Variants in GLIPR1L2 observed in about 807,000 individuals in gnomAD.
The protein encoded by GLIPR1L2 is GLIPR1-like protein 2.
In GLIPR1L2, 21 loss-of-function variants were observed where a neutral mutation model predicts 28.4. The ratio of observed to expected loss-of-function variants is 0.74; its 90% CI spans 0.52 to 1.06. The LOEUF is 1.06. Ranked by LOEUF, GLIPR1L2 falls within the 50% of genes least tolerant of loss-of-function variation. GLIPR1L2 has a pLI of 0.00. For synonymous variants in GLIPR1L2, 145 were observed against 139.3 expected (o/e 1.04, Z -0.29); for missense variants, 476 against 416.9 (o/e 1.14, Z -1.23).
chr12:75,422,398 G>C (rs1399315333), intron 3 of GLIPR1L2, among the ~76,000 whole-genome samples: 1 of 150,522 alleles, frequency 6.6e-6, no homozygotes, highest in Non-Finnish European at 1.5e-5. Flanking sequence ...CGCCTCCTGG[G>C]TTCACGCCAT....
intron 1 of GLIPR1L2, among the ~76,000 whole-genome samples, chr12:75,409,008 A>G (rs11616068): frequency 0.18 from 26,620 of 152,038 alleles, 2,580 homozygotes; most frequent in Admixed American, 0.24. Context: ...ATTCACTAAG[A>G]AAACTCTAAG....
At chr12:75,397,166 CATTGCT>C (rs773248308) in intron 1 of GLIPR1L2, among the ~76,000 whole-genome samples, 3 of 152,060 alleles carry the variant, frequency 2.0e-5, no homozygotes, top group Non-Finnish European at 4.4e-5. Flanking sequence ...CCTTCAGAGT[CATTGCT>C]TTAGAACTGC....
At chr12:75,395,109 AT>A (rs1233160293) in intron 1 of GLIPR1L2, among the ~76,000 whole-genome samples, 1 of 151,616 alleles carries the variant, frequency 6.6e-6, no homozygotes, top group African/African-American at 2.4e-5. Flanking sequence ...CTTTTCTCTA[AT>A]TTTCTGAATT....
intron 4 of GLIPR1L2, chr12:75,423,623 G>C (rs914851053): frequency 3.3e-6 from 1 of 303,938 alleles, no homozygotes; most frequent in Admixed American, 6.5e-5. Flanking sequence ...AGAACGTGCA[G>C]GTTTGTTACA....
chr12:75,394,435 C>T (rs1193322040), intron 1 of GLIPR1L2, among the ~76,000 whole-genome samples: 1 of 151,916 alleles, frequency 6.6e-6, no homozygotes, highest in African/African-American at 2.4e-5. Flanking sequence ...AAGGGTCCAG[C>T]TTATTCTTTT....
chr12:75,400,077 A>G (rs1347847505), intron 1 of GLIPR1L2, among the ~76,000 whole-genome samples: 4 of 152,174 alleles, frequency 2.6e-5, no homozygotes, highest in Admixed American at 1.3e-4. Context: ...AAAGAATACC[A>G]TACACCTGTG....
chr12:75,392,987 T>G (rs890641428), intron 1 of GLIPR1L2, among the ~76,000 whole-genome samples: 1 of 152,120 alleles, frequency 6.6e-6, no homozygotes, highest in African/African-American at 2.4e-5. Context: ...AAAATGTTTC[T>G]TTAGCAGATT....
chr12:75,421,981 T>C (rs1249631674), intron 3 of GLIPR1L2, among the ~76,000 whole-genome samples: 1 of 150,398 alleles, frequency 6.6e-6, no homozygotes, highest in Non-Finnish European at 1.5e-5. Flanking sequence ...TATTTTTAAA[T>C]TTTATTTCTT....
rs563964955 is a variant in GLIPR1L2, at chr12:75,421,952, T to C, written c.585-952T>C. ...GGGCCAACCAGGAAGCAATTAATTA[T>C]AAAAAATTCTATATCATTTATTTTT... On this transcript the variant is annotated intron_variant, in intron 3 of 5. Coordinates refer to ENST00000550916, the MANE Select transcript of GLIPR1L2 (RefSeq NM_001270396.2). Among the ~76,000 whole-genome samples the C allele has an allele frequency of 5.8e-4, 88 of 151,402 alleles. 1 individual carries two copies. The highest frequency in any genetic ancestry group is 2.1e-3 in the African/African-American group (85 of 41,400).
Position 75,431,163 on chromosome 12 carries a change from A to T in GLIPR1L2, c.*2A>T. 1 of 717,356 alleles carries T rather than the reference A, an allele frequency of 1.4e-6. No individual in the cohort carries two copies. The highest frequency in any genetic ancestry group is 2.4e-6 in the Non-Finnish European group (1 of 422,896). 44.4% of individuals were successfully genotyped at this position (717,356 alleles called of 1,614,324 possible). A position where few individuals can be genotyped will look rare whatever the true frequency, so the allele number is the denominator to read the frequency against. On this transcript the variant is annotated 3_prime_UTR_variant, in exon 6 of 6. Transcript: ENST00000550916. Reference sequence around the variant, plus strand: ...AAGATGGAGGAAGAGGAAAAATAAGAGTAGAAAGAGGAGGAAAAAGATGTA... The same window carrying T: ...AAGATGGAGGAAGAGGAAAAATAAGTGTAGAAAGAGGAGGAAAAAGATGTA...
At chr12:75,407,038 A>T (rs931264736) in intron 1 of GLIPR1L2, among the ~76,000 whole-genome samples, 1 of 152,056 alleles carries the variant, frequency 6.6e-6, no homozygotes, top group South Asian at 2.1e-4. Flanking sequence ...CTTGAGCTCT[A>T]CCTGGCCTGA....
At chr12:75,416,858 C>T (rs1257622060) in intron 3 of GLIPR1L2, among the ~76,000 whole-genome samples, 1 of 152,050 alleles carries the variant, frequency 6.6e-6, no homozygotes, top group Non-Finnish European at 1.5e-5. Context: ...TAGATTGGAA[C>T]AGTTATCAGT....
chr12:75,403,137 G>T (rs2045760866), intron 1 of GLIPR1L2: 2 of 456,656 alleles, frequency 4.4e-6, no homozygotes, highest in Admixed American at 2.4e-5. Flanking sequence ...GATTGATTGG[G>T]GATCCATTGG....
At chr12:75,393,278 G>A (rs1302697213) in intron 1 of GLIPR1L2, among the ~76,000 whole-genome samples, 1 of 152,004 alleles carries the variant, frequency 6.6e-6, no homozygotes, top group African/African-American at 2.4e-5. Flanking sequence ...ATTTTTAAGT[G>A]TATAGTTCAG....
At chr12:75,430,650 T>C in intron 4 of GLIPR1L2, 65 bp from the exon 5 acceptor site, 1 of 1,404,654 alleles carries the variant, frequency 7.1e-7, no homozygotes, top group South Asian at 1.3e-5. Context: ...ATTGGGAGAT[T>C]ATCTTATTTT....
rs1002135186 is a variant in GLIPR1L2, at chr12:75,411,485, A to C, written c.480+806A>C. Among the ~76,000 whole-genome samples, 4 of 151,494 alleles carry C rather than the reference A, an allele frequency of 2.6e-5. No homozygotes were observed. In the South Asian group the frequency reaches 8.3e-4, roughly 31 times the overall value. On this transcript the variant is annotated intron_variant, in intron 2 of 5. Coordinates refer to ENST00000550916, the MANE Select transcript of GLIPR1L2 (RefSeq NM_001270396.2). ...CCAATCATACTTCAAAAATTTTTTC[A>C]TCAGTTTTTTTTTTCTGATCATTTC...
chr12:75,422,783 T>TA, intron 3 of GLIPR1L2, 121 bp from the exon 4 acceptor site: 1 of 710,418 alleles, frequency 1.4e-6, no homozygotes, highest in Non-Finnish European at 2.3e-6. Flanking sequence ...AGTATTTCCT[T>TA]AAGTCCAGTT....
chr12:75,408,685 G>T (rs533082500), intron 1 of GLIPR1L2, among the ~76,000 whole-genome samples: 2 of 151,960 alleles, frequency 1.3e-5, no homozygotes, highest in Non-Finnish European at 2.9e-5. Flanking sequence ...TGCAGACCAT[G>T]TAAAAATTAA....
chr12:75,411,666 C>T (rs994729392), intron 2 of GLIPR1L2, among the ~76,000 whole-genome samples: 7 of 151,862 alleles, frequency 4.6e-5, no homozygotes, highest in Admixed American at 1.3e-4. Context: ...TAGACCTTTT[C>T]GTTTCCTGCA....
Sources: allele counts gnomAD v4.1 joint callset (sites outside exome capture counted in the v4.1 genomes callset), GRCh38; gene constraint gnomAD v4.1.1; transcripts MANE v1.5; gene names NCBI Gene and HGNC (gene_info 2026-07-23, HGNC 2026-07-21).